The following FHL2 variants were observed in gnomAD, a reference collection of about 807,000 sequenced individuals.
FHL2 encodes the protein four and a half LIM domains protein 2.
FHL2 carries 20 observed loss-of-function variants against 32.7 expected under a neutral mutation model. That is an observed-to-expected ratio of 0.61 (90% CI 0.43 to 0.89). The LOEUF (loss-of-function observed/expected upper bound fraction) is 0.89, where lower values mean the gene tolerates loss of function less well. FHL2 is among the 40% of genes least tolerant of loss of function. The pLI, the probability that FHL2 is intolerant of heterozygous loss-of-function variation, is 0.00. For synonymous variants in FHL2, 123 were observed against 128.1 expected, an observed-to-expected ratio of 0.96 and a Z score of 0.27; for missense variants, 311 against 358.6, an observed-to-expected ratio of 0.87 and a Z score of 1.07.
rs150103320 is a variant in FHL2 at position 105,408,934 on chromosome 2, G to A, written c.-24-22394C>T. 3.9e-3 allele frequency among the ~76,000 whole-genome samples: 594 copies of A among 152,236 alleles called. 2 individuals carry two copies. Among genetic ancestry groups the A allele is most frequent in the East Asian group, 0.03 (156 of 5,172 alleles). On this transcript the variant is annotated intron_variant, in intron 1 of 5. Transcript: ENST00000393352. ...ACCCTACATCCAACGTGATGTAGCA[G>A]GCAGCAGAGCAAGGGCAGAGGGGAG...
chr2:105,365,227 C>T (rs1464317323), intron 5 of FHL2, among the ~76,000 whole-genome samples: 1 of 152,208 alleles, frequency 6.6e-6, no homozygotes, highest in Non-Finnish European at 1.5e-5. Context: ...TCCTCCATAG[C>T]ACACTGCTCA....
chr2:105,422,044 A>G lies in FHL2; in HGVS notation c.-25+16355T>C, dbSNP rs141455515. 6.8e-4 allele frequency among the ~76,000 whole-genome samples: 104 copies of G among 152,288 alleles called. 2 individuals carry two copies. The East Asian group carries it at 0.019, about 28-fold the overall frequency. ...GTAGCTCAGAGGAGTTGCCCTAGGA[A>G]AGAATCACGGTGGAGGGCAGTCCTT... On this transcript the variant is annotated intron_variant, in intron 1 of 5. Transcript: ENST00000393352.
intron 1 of FHL2, among the ~76,000 whole-genome samples, chr2:105,409,274 T>C (rs751140353): frequency 6.6e-6 from 1 of 152,204 alleles, no homozygotes; most frequent in Non-Finnish European, 1.5e-5. Context: ...TTGGCAGCTG[T>C]GCAATTTATA....
chr2:105,376,070 C>T (rs898406688), intron 3 of FHL2: 1 of 152,168 alleles, frequency 6.6e-6, no homozygotes, highest in Non-Finnish European at 1.5e-5. Flanking sequence ...ATGCACACGC[C>T]CCGGCTTCAA....
chr2:105,422,288 C>T (rs989334), intron 1 of FHL2, among the ~76,000 whole-genome samples: 144,095 of 152,236 alleles, frequency 0.95, 68,244 homozygotes, highest in East Asian at 1. Flanking sequence ...TTGTGAACCA[C>T]AACCAGCTCC....
chr2:105,410,618 T>C (rs1683761476), intron 1 of FHL2, among the ~76,000 whole-genome samples: 1 of 152,160 alleles, frequency 6.6e-6, no homozygotes, highest in South Asian at 2.1e-4. Flanking sequence ...TATGCTATTA[T>C]TTGGTGGTGG....
intron 3 of FHL2, among the ~76,000 whole-genome samples, chr2:105,384,680 G>GT (rs1682166194): frequency 6.6e-6 from 1 of 152,194 alleles, no homozygotes; most frequent in Non-Finnish European, 1.5e-5. Context: ...GCTAATTTTT[G>GT]TATTTTCAGT....
intron 1 of FHL2, among the ~76,000 whole-genome samples, chr2:105,405,570 G>C (rs4361146): frequency 0.71 from 108,537 of 152,208 alleles, 38,959 homozygotes; most frequent in African/African-American, 0.8. Flanking sequence ...AGCCACCATG[G>C]CTGGCAAGAG....
At chr2:105,373,821 C>A in intron 3 of FHL2, 88 bp from the exon 4 acceptor site, 10 of 1,377,426 alleles carry the variant, frequency 7.3e-6, no homozygotes, top group Non-Finnish European at 1.0e-5. Context: ...ATCTGCAGGG[C>A]AAACAAGGAA....
rs113919429 is a variant in FHL2 at position 105,398,791 on chromosome 2, G to A, written c.-76+51C>T. The A allele has an allele frequency of 7.6e-5, 103 of 1,359,876 alleles. No homozygotes were observed. The African/African-American group carries it at 1.2e-3, about 16-fold the overall frequency. 84.2% of individuals were successfully genotyped at this position (1,359,876 alleles called of 1,614,324 possible). A position where few individuals can be genotyped will look rare whatever the true frequency, so the allele number is the denominator to read the frequency against. ...CCCGGCTTCTCCCCGCACGGTTCGG[G>A]TCCCCTCTCCCAGTGGTCTTCCCGG... On this transcript the variant is annotated intron_variant, in intron 1 of 6. Transcript: ENST00000530340.
At chr2:105,407,771 C>T (rs79472586) in intron 1 of FHL2, among the ~76,000 whole-genome samples, 2,542 of 152,206 alleles carry the variant, frequency 0.017, 82 homozygotes, top group African/African-American at 0.058. Flanking sequence ...TAGTGAGGGG[C>T]TTCTTCTCCT....
intron 1 of FHL2, chr2:105,397,019 T>G (rs74482480): frequency 3.3e-3 from 662 of 200,114 alleles, no homozygotes; most frequent in Non-Finnish European, 4.9e-3. Context: ...TGTTTTTTTT[T>G]TTTTTTTTTT....
chr2:105,381,827 G>T (rs1331658038), intron 3 of FHL2, among the ~76,000 whole-genome samples: 2 of 152,092 alleles, frequency 1.3e-5, no homozygotes, highest in Non-Finnish European at 2.9e-5. Context: ...AAATAAAAAA[G>T]CACCAGGTTG....
chr2:105,393,502 A>C (rs1477712219), intron 2 of FHL2, among the ~76,000 whole-genome samples: 2 of 152,144 alleles, frequency 1.3e-5, no homozygotes, highest in Non-Finnish European at 2.9e-5. Flanking sequence ...TACATTATAA[A>C]AGTGCAGTGT....
chr2:105,360,233 T>C (rs62152060), downstream of FHL2: 64,772 of 144,576 alleles, frequency 0.45, 14,747 homozygotes, highest in Non-Finnish European at 0.52. Context: ...ACGCGGGAAG[T>C]GGAGGTTGCA....
At chr2:105,382,883 A>G (rs960849736) in intron 3 of FHL2, among the ~76,000 whole-genome samples, 1 of 151,918 alleles carries the variant, frequency 6.6e-6, no homozygotes, top group Non-Finnish European at 1.5e-5. Flanking sequence ...TGGCCAGCCT[A>G]TTTTTTATTT....
At chr2:105,382,065 C>T (rs116503014) in intron 3 of FHL2, among the ~76,000 whole-genome samples, 1,765 of 152,316 alleles carry the variant, frequency 0.012, 40 homozygotes, top group African/African-American at 0.041. Flanking sequence ...CAGAGCCCTG[C>T]CAGGTTGCTT....
rs189970030 is a variant in FHL2 at position 105,433,461 on chromosome 2, C to A, written c.-25+4938G>T. On this transcript the variant is annotated intron_variant, in intron 1 of 5. Coordinates refer to the FHL2 transcript ENST00000393352. ...CCTCCCAAAGTGCTGGGATTACAGG[C>A]GTGAGCCACCGCGCCCGGCTTCATT... Among the ~76,000 whole-genome samples the A allele has an allele frequency of 3.3e-5, 5 of 152,138 alleles. No individual in the cohort carries two copies. In the East Asian group the frequency reaches 7.7e-4, roughly 23 times the overall value.
Position 105,399,040 on chromosome 2 carries a change from T to TGCC in FHL2, c.-277_-275dup. On this transcript the variant is annotated 5_prime_UTR_variant, in exon 1 of 7. Transcript: ENST00000530340. ...GGGCGGCTGGTGGCTGCGGCTCCGC[T>TGCC]GCCGGCCGAGTGGAGCGCTGCGCAG... 6.7e-7 allele frequency: 1 copy of TGCC among 1,496,812 alleles called. No individual in the cohort carries two copies. Among genetic ancestry groups the TGCC allele is most frequent in the Non-Finnish European group, 8.9e-7 (1 of 1,125,602 alleles). The allele number at this position is 1,496,812 out of a possible 1,614,324, so 92.7% of individuals were successfully genotyped here.
Sources: gnomAD v4.1 joint callset for allele counts (sites outside exome capture counted in the v4.1 genomes callset) on GRCh38, gnomAD v4.1.1 for gene constraint, MANE v1.5 for transcripts, NCBI Gene and HGNC (gene_info 2026-07-23, HGNC 2026-07-21) for gene names.